Variants in PTK7 observed in about 807,000 individuals in gnomAD.
The protein encoded by PTK7 is inactive tyrosine-protein kinase 7.
A neutral mutation model predicts 116.6 loss-of-function variants in PTK7; 39 were observed. The ratio of observed to expected loss-of-function variants is 0.33; its 90% CI spans 0.26 to 0.44. The LOEUF (loss-of-function observed/expected upper bound fraction) is 0.44. Ranked by LOEUF, PTK7 falls within the 20% of genes least tolerant of loss-of-function variation. The pLI, the probability that PTK7 is intolerant of heterozygous loss-of-function variation, is 1.00. For missense variants in PTK7, 1,169 were observed against 1,425.6 expected (o/e 0.82, Z 2.90); for synonymous variants, 546 against 563.6 (o/e 0.97, Z 0.44).
chr6:43,111,303 G>C (rs1218653533), intron 1 of PTK7, among the ~76,000 whole-genome samples: 1 of 152,184 alleles, frequency 6.6e-6, no homozygotes, highest in Non-Finnish European at 1.5e-5. Flanking sequence ...TGTATTTAGT[G>C]ATCAGGTGGA....
At position 43,160,967 on chromosome 6, in the gene PTK7, C is replaced by T; in HGVS notation, c.*86C>T. The T allele has an allele frequency of 1.3e-6, 2 of 1,514,132 alleles. No individual in the cohort carries two copies. The highest frequency in any genetic ancestry group is 1.8e-6 in the Non-Finnish European group (2 of 1,129,284). The allele number at this position is 1,514,132 out of a possible 1,614,324, so 93.8% of individuals were successfully genotyped here. A position where few individuals can be genotyped will look rare whatever the true frequency, so the allele number is the denominator to read the frequency against. Reference sequence around the variant, plus strand: ...GCATGATGGGCAAGATCCCTGTCCTCCTGGGCCCTGAGGCCCCTGCCCTAG... The same window carrying T: ...GCATGATGGGCAAGATCCCTGTCCTTCTGGGCCCTGAGGCCCCTGCCCTAG... On this transcript the variant is annotated 3_prime_UTR_variant, in exon 20 of 20. Transcript: ENST00000230419.
intron 1 of PTK7, among the ~76,000 whole-genome samples, chr6:43,126,749 G>C (rs1769310243): frequency 6.6e-6 from 1 of 152,258 alleles, no homozygotes; most frequent in African/African-American, 2.4e-5. Context: ...ACGGTGCTGA[G>C]CAGGAACAGA....
chr6:43,111,414 G>C (rs1030960080), intron 1 of PTK7, among the ~76,000 whole-genome samples: 3 of 152,184 alleles, frequency 2.0e-5, no homozygotes, highest in African/African-American at 7.2e-5. Context: ...CAGGCACTTA[G>C]CATCTCCAAA....
chr6:43,135,727 C>T (rs2150439292), intron 7 of PTK7, among the ~76,000 whole-genome samples: 1 of 152,292 alleles, frequency 6.6e-6, no homozygotes, highest in Admixed American at 6.5e-5. Flanking sequence ...TCCCATAGGC[C>T]TTGTAAAAGC....
At chr6:43,100,642 A>G (rs1428882267) in intron 1 of PTK7, among the ~76,000 whole-genome samples, 2 of 152,266 alleles carry the variant, frequency 1.3e-5, no homozygotes, top group Non-Finnish European at 2.9e-5. Flanking sequence ...GCCGTGTCCA[A>G]TTTATATAAT....
intron 1 of PTK7, among the ~76,000 whole-genome samples, chr6:43,090,726 C>G (rs1361159462): frequency 6.6e-6 from 1 of 152,134 alleles, no homozygotes; most frequent in African/African-American, 2.4e-5. Context: ...GTCCCTCCCG[C>G]TTGGTTGCCA....
chr6:43,144,413 A>G (rs778286561), intron 14 of PTK7, 38 bp from the exon 15 acceptor site: 1 of 1,613,208 alleles, frequency 6.2e-7, no homozygotes, highest in Non-Finnish European at 8.5e-7. Context: ...CCAGAGTGTC[A>G]GGTCTCATCG....
At chr6:43,077,514 C>A (rs1426329813) in intron 1 of PTK7, among the ~76,000 whole-genome samples, 2 of 152,288 alleles carry the variant, frequency 1.3e-5, no homozygotes, top group East Asian at 3.9e-4. Context: ...GCTTTTATTT[C>A]CTGGCTTGGT....
chr6:43,083,593 T>C (rs1298733298), intron 1 of PTK7, among the ~76,000 whole-genome samples: 1 of 152,170 alleles, frequency 6.6e-6, no homozygotes, highest in African/African-American at 2.4e-5. Flanking sequence ...CCAATAATGT[T>C]ACACAGACAG....
chr6:43,089,503 G>A (rs1238288205), intron 1 of PTK7, among the ~76,000 whole-genome samples: 1 of 152,150 alleles, frequency 6.6e-6, no homozygotes, highest in Non-Finnish European at 1.5e-5. Context: ...AGAAAACATT[G>A]TCTTACAGCC....
chr6:43,093,449 G>T (rs1263802058), intron 1 of PTK7, among the ~76,000 whole-genome samples: 1 of 152,076 alleles, frequency 6.6e-6, no homozygotes, highest in Non-Finnish European at 1.5e-5. Flanking sequence ...ACAGAATCTG[G>T]AGAGAGTGAT....
rs1054869198 is a variant in PTK7, at chr6:43,129,449, T to A, written c.367+185T>A. 1.0e-6 allele frequency: 1 copy of A among 956,532 alleles called. No homozygotes were observed. The highest frequency in any genetic ancestry group is 1.5e-6 in the Non-Finnish European group (1 of 659,384). The allele number at this position is 956,532 out of a possible 1,614,324, so 59.3% of individuals were successfully genotyped here. A position where few individuals can be genotyped will look rare whatever the true frequency, so the allele number is the denominator to read the frequency against. On this transcript the variant is annotated intron_variant, in intron 2 of 19. Coordinates refer to ENST00000230419, the MANE Select transcript of PTK7 (RefSeq NM_002821.5). The surrounding 1 kb of genome is among the most constrained non-coding windows in gnomAD (Gnocchi z 4.5). The stretch of plus-strand genomic sequence containing the variant: ...ATTAAAAGTTATATTTTTTCCAAAA[T>A]TTTTTCCTTCAAGTCTGGGACCCAT...
chr6:43,139,585 C>G lies in PTK7; in HGVS notation c.1618+60C>G, dbSNP rs1285379918. On this transcript the variant is annotated intron_variant, in intron 10 of 19. Coordinates refer to ENST00000230419, the MANE Select transcript of PTK7 (RefSeq NM_002821.5). The surrounding 1 kb of genome is among the most constrained non-coding windows in gnomAD (Gnocchi z 4.6). ...AGGCAGTTCACTGATCAGATACATA[C>G]CTGAGGGCTGCTGGGTGCCCCGCAC... 2.5e-6 allele frequency: 4 copies of G among 1,601,432 alleles called. No individual in the cohort carries two copies. In the South Asian group the frequency reaches 3.3e-5, roughly 13 times the overall value.
At chr6:43,154,393 G>A (rs1377601037) in intron 17 of PTK7, among the ~76,000 whole-genome samples, 3 of 151,866 alleles carry the variant, frequency 2.0e-5, no homozygotes, top group African/African-American at 7.3e-5. Flanking sequence ...TACTGTATAG[G>A]ACAGCACAGA....
intron 17 of PTK7, among the ~76,000 whole-genome samples, chr6:43,156,936 G>GAA (rs36001800): frequency 7.3e-6 from 1 of 137,920 alleles, no homozygotes; most frequent in African/African-American, 2.6e-5. Flanking sequence ...ACAATGTTGT[G>GAA]AAAAAAAAAA....
In PTK7 at chr6:43,145,330, G is replaced by A; in HGVS notation, c.2538G>A (p.Glu846=). 6.2e-7 allele frequency: 1 copy of A among 1,614,034 alleles called. No homozygotes were observed. Among genetic ancestry groups the A allele is most frequent in the South Asian group, 1.1e-5 (1 of 91,064 alleles). The change falls in exon 16 of 20, where the codon GAG becomes GAA. Residue 846 remains glutamate, a synonymous_variant. Transcript: ENST00000230419. This position sits in a 1 kb window ranked among gnomAD's most constrained non-coding sequence, Gnocchi z 4.8. ...AGCAGCAGCTGGACTTCCGGAGGGA[G>A]TTGGAGATGTTTGGGAAGCTGAACC... The part of the protein sequence containing the change: ...DEQQQLDFRR[E]LEMFGKLNHA...
rs767808640 is a variant in PTK7, at chr6:43,076,617, C to T, written c.79+50C>T. The T allele has an allele frequency of 3.9e-6, 6 of 1,533,292 alleles. No homozygotes were observed. Among genetic ancestry groups the T allele is most frequent in the South Asian group, 1.2e-5 (1 of 81,742 alleles). The allele number at this position is 1,533,292 out of a possible 1,614,324, so 95.0% of individuals were successfully genotyped here. ...CAGAGCTTGGGAAGCGCGGGAGTCC[C>T]GTGGGCAAAAGGCTGCGCCCGGGGC... is the stretch of plus-strand genomic sequence containing the variant. On this transcript the variant is annotated intron_variant, in intron 1 of 19. Transcript: ENST00000230419. The surrounding 1 kb of genome is among the most constrained non-coding windows in gnomAD (Gnocchi z 5.7).
At position 43,093,824 on chromosome 6, in the gene PTK7, A is replaced by C. The variant is rs1456885606; in HGVS notation, c.79+17257A>C. Among the ~76,000 whole-genome samples, 4 of 152,224 alleles carry C rather than the reference A, an allele frequency of 2.6e-5. 1 individual carries two copies. Among genetic ancestry groups the C allele is most frequent in the African/African-American group, 9.6e-5 (4 of 41,462 alleles). On this transcript the variant is annotated intron_variant, in intron 1 of 19. Coordinates refer to ENST00000230419, the MANE Select transcript of PTK7 (RefSeq NM_002821.5). ...TTTATTGAAAATGAAAGTACACTCCACAGTGTGGGAGCAGACCCAAGCAGC... is the reference window on the plus strand; with the variant it reads ...TTTATTGAAAATGAAAGTACACTCCCCAGTGTGGGAGCAGACCCAAGCAGC...
At chr6:43,149,059 CAAAAAAAAAAAAA>C (rs59033917) in intron 17 of PTK7, among the ~76,000 whole-genome samples, 1 of 69,834 alleles carries the variant, frequency 1.4e-5, no homozygotes, top group Non-Finnish European at 2.7e-5. Flanking sequence ...GACTTTGTCT[CAAAAAAAAAAAAA>C]AAAAAAAAAG....
Sources: gnomAD v4.1 joint callset for allele counts (sites outside exome capture counted in the v4.1 genomes callset) on GRCh38, gnomAD v4.1.1 for gene constraint, Gnocchi (gnomAD v3.1) non-coding constraint, MANE v1.5 for transcripts, NCBI Gene and HGNC (gene_info 2026-07-23, HGNC 2026-07-21) for gene names.